The following ULK4 variants were observed in gnomAD, a reference collection of about 807,000 sequenced individuals.
ULK4 encodes the protein unc-51 like kinase 4, also known as inactive serine/threonine-protein kinase ULK4.
Under a neutral mutation model 160.6 loss-of-function variants are expected in ULK4, and 133 were observed. The ratio of observed to expected loss-of-function variants is 0.83; its 90% CI spans 0.72 to 0.96. ULK4 has a LOEUF of 0.96. Ranked by LOEUF, ULK4 falls within the 40% of genes least tolerant of loss-of-function variation. ULK4 has a pLI of 0.00. For missense variants in ULK4, 1,580 were observed against 1,499.5 expected, an observed-to-expected ratio of 1.05 and a Z score of -0.89; for synonymous variants, 534 against 539.8, an observed-to-expected ratio of 0.99 and a Z score of 0.15.
intron 30 of ULK4, among the ~76,000 whole-genome samples, chr3:41,636,916 C>T (rs1278784273): frequency 6.6e-6 from 1 of 152,024 alleles, no homozygotes; most frequent in Non-Finnish European, 1.5e-5. Context: ...ACAGTGTGCT[C>T]ATCACAAAGG....
chr3:41,440,650 G>A (rs921123240), intron 34 of ULK4, among the ~76,000 whole-genome samples: 4 of 152,048 alleles, frequency 2.6e-5, no homozygotes, highest in Admixed American at 1.3e-4. Context: ...TGGTATCAGG[G>A]TAATGCTAGC....
intron 30 of ULK4, among the ~76,000 whole-genome samples, chr3:41,637,955 G>C (rs992902015): frequency 1.3e-5 from 2 of 151,966 alleles, no homozygotes; most frequent in African/African-American, 4.8e-5. Context: ...TCTGATGTAC[G>C]GTTTACAAAT....
intron 31 of ULK4, among the ~76,000 whole-genome samples, chr3:41,586,850 T>TA (rs370922051): frequency 6.6e-6 from 1 of 152,266 alleles, no homozygotes; most frequent in African/African-American, 2.4e-5. Flanking sequence ...AAATTAACTG[T>TA]AAAAAATCAT....
intron 32 of ULK4, among the ~76,000 whole-genome samples, chr3:41,521,342 T>C (rs2085924627): frequency 6.6e-6 from 1 of 152,200 alleles, no homozygotes; most frequent in Non-Finnish European, 1.5e-5. Context: ...ATATATCATA[T>C]ATGGTCTCAG....
At chr3:41,624,184 G>T (rs2033381901) in intron 30 of ULK4, among the ~76,000 whole-genome samples, 1 of 152,124 alleles carries the variant, frequency 6.6e-6, no homozygotes, top group African/African-American at 2.4e-5. Flanking sequence ...AACAACTTCA[G>T]GTCCAGCACA....
At chr3:41,510,701 A>G (rs556143604) in intron 32 of ULK4, among the ~76,000 whole-genome samples, 1 of 152,336 alleles carries the variant, frequency 6.6e-6, no homozygotes, top group African/African-American at 2.4e-5. Context: ...ATGCAAATAC[A>G]TGGTTATTAA....
intron 36 of ULK4, among the ~76,000 whole-genome samples, 179 bp downstream of exon 36, chr3:41,249,310 A>T (rs2078701366): frequency 6.6e-6 from 1 of 152,074 alleles, no homozygotes; most frequent in Non-Finnish European, 1.5e-5. Context: ...GGGGATTCCC[A>T]GTGTGTGGAG....
intron 30 of ULK4, among the ~76,000 whole-genome samples, chr3:41,659,768 A>G (rs1012418734): frequency 6.6e-6 from 1 of 152,208 alleles, no homozygotes; most frequent in Non-Finnish European, 1.5e-5. Flanking sequence ...ACAAAATAAC[A>G]CATTTATGAG....
At chr3:41,558,903 T>A (rs1040872138) in intron 32 of ULK4, among the ~76,000 whole-genome samples, 13 of 149,222 alleles carry the variant, frequency 8.7e-5, no homozygotes, top group African/African-American at 2.9e-4. Flanking sequence ...CACTTTAAGT[T>A]TTAGGGTACA....
intron 35 of ULK4, among the ~76,000 whole-genome samples, chr3:41,289,809 AT>A (rs2079524613): frequency 3.9e-3 from 1 of 256 alleles, no homozygotes; most frequent in Non-Finnish European, 0.016. Flanking sequence ...AGGTCAACTT[AT>A]GTATGTATGT....
In ULK4 at chr3:41,819,390, C is replaced by G. The variant is rs2041067312; in HGVS notation, c.1848+33G>C. ...GTGCCTGAAGGGTTATTACAATTGC[C>G]AGCATCTACAGAGGACAACAAAGGA... is the stretch of plus-strand genomic sequence containing the variant. On this transcript the variant is annotated intron_variant, in intron 19 of 36. Transcript: ENST00000301831. 8.1e-6 allele frequency: 13 copies of G among 1,595,602 alleles called. No individual in the cohort carries two copies. In the East Asian group the frequency reaches 2.9e-4, roughly 36 times the overall value.
intron 35 of ULK4, among the ~76,000 whole-genome samples, chr3:41,293,820 G>A (rs1157724807): frequency 6.6e-6 from 1 of 152,208 alleles, no homozygotes; most frequent in Admixed American, 6.5e-5. Context: ...GGAGCCCTAT[G>A]GAAATACTAA....
intron 34 of ULK4, among the ~76,000 whole-genome samples, chr3:41,400,551 G>C (rs551299812): frequency 6.6e-6 from 1 of 152,206 alleles, no homozygotes; most frequent in East Asian, 1.9e-4. Context: ...CCATGACATA[G>C]ATGTACCATA....
chr3:41,432,807 G>C (rs2082943966), intron 34 of ULK4, among the ~76,000 whole-genome samples: 1 of 151,930 alleles, frequency 6.6e-6, no homozygotes, highest in Admixed American at 6.6e-5. Context: ...CAAAATGCCT[G>C]AAATCTTTTA....
intron 31 of ULK4, among the ~76,000 whole-genome samples, chr3:41,590,461 CAAAAAAAAAAA>C (rs71075479): frequency 3.0e-4 from 17 of 56,916 alleles, no homozygotes; most frequent in South Asian, 8.6e-4. Flanking sequence ...ACTAAAAATA[CAAAAAAAAAAA>C]AAAAAAAAAA....
At chr3:41,613,642 A>T (rs1188671667) in intron 31 of ULK4, among the ~76,000 whole-genome samples, 1 of 152,230 alleles carries the variant, frequency 6.6e-6, no homozygotes, top group African/African-American at 2.4e-5. Context: ...TCATCGATTG[A>T]AAAATGTATT....
At chr3:41,413,780 A>G (rs2082462849) in intron 34 of ULK4, among the ~76,000 whole-genome samples, 1 of 152,192 alleles carries the variant, frequency 6.6e-6, no homozygotes, top group South Asian at 2.1e-4. Context: ...TCCTTTTTCT[A>G]GAAACTTCAC....
chr3:41,555,138 G>T (rs1446858815), intron 32 of ULK4, among the ~76,000 whole-genome samples: 1 of 151,756 alleles, frequency 6.6e-6, no homozygotes, highest in Non-Finnish European at 1.5e-5. Context: ...ATTGACTTTT[G>T]AAAAAAGTTA....
chr3:41,293,522 T>C (rs988252316), intron 35 of ULK4, among the ~76,000 whole-genome samples: 3 of 152,150 alleles, frequency 2.0e-5, no homozygotes, highest in African/African-American at 7.2e-5. Flanking sequence ...TACAACATGT[T>C]ACAGGCTGTA....
Sources: gnomAD v4.1 joint callset for allele counts (sites outside exome capture counted in the v4.1 genomes callset) on GRCh38, gnomAD v4.1.1 for gene constraint, MANE v1.5 for transcripts, NCBI Gene and HGNC (gene_info 2026-07-23, HGNC 2026-07-21) for gene names.